Variants in PACS1 observed in about 807,000 individuals in gnomAD.
The protein encoded by PACS1 is phosphofurin acidic cluster sorting protein 1, also known as PACS-1.
In PACS1, 24 loss-of-function variants were observed where a neutral mutation model predicts 115.0. The ratio of observed to expected loss-of-function variants is 0.21; its 90% CI spans 0.15 to 0.29. The LOEUF is 0.29. PACS1 is among the 10% of genes least tolerant of loss of function. PACS1 has a pLI of 1.00. For missense variants in PACS1, 838 were observed against 1,251.2 expected (o/e 0.67, Z 4.98); for synonymous variants, 453 against 504.5 (o/e 0.90, Z 1.37).
chr11:66,205,875 C>T (rs891601469), intron 2 of PACS1, among the ~76,000 whole-genome samples: 5 of 152,044 alleles, frequency 3.3e-5, no homozygotes, highest in Non-Finnish European at 7.4e-5. Flanking sequence ...TGGCCGGTCA[C>T]GGTGGTTCAT....
chr11:66,113,583 G>A (rs2134549004), intron 1 of PACS1, among the ~76,000 whole-genome samples: 1 of 152,338 alleles, frequency 6.6e-6, no homozygotes, highest in Non-Finnish European at 1.5e-5. Flanking sequence ...AGACATAAGA[G>A]TATATTTTAA....
chr11:66,184,951 C>T (rs752684061), intron 1 of PACS1, among the ~76,000 whole-genome samples: 29 of 152,074 alleles, frequency 1.9e-4, no homozygotes, highest in African/African-American at 4.4e-4. Flanking sequence ...CAAGGGCTCA[C>T]GAGGGCTTGC....
In PACS1 at chr11:66,166,995, A is replaced by G. The variant is rs532982444; in HGVS notation, c.357-26491A>G. On this transcript the variant is annotated intron_variant, in intron 1 of 23. Coordinates refer to ENST00000320580, the MANE Select transcript of PACS1 (RefSeq NM_018026.4). ...GTTTAGCCTCAAAAGATGATGCCTA[A>G]TAGTTTCTGAAGTGATTGTACCAGT... Among the ~76,000 whole-genome samples, 49 of 150,434 alleles carry G rather than the reference A, an allele frequency of 3.3e-4. 3 individuals are homozygous for G. The highest frequency in any genetic ancestry group is 1.2e-3 in the African/African-American group (47 of 39,798).
chr11:66,088,019 G>A (rs964183788), intron 1 of PACS1, among the ~76,000 whole-genome samples: 1 of 151,950 alleles, frequency 6.6e-6, no homozygotes, highest in Admixed American at 6.6e-5. Context: ...TTTGTTGGCC[G>A]TGTGTGTATC....
At chr11:66,123,056 T>C (rs1171195701) in intron 1 of PACS1, among the ~76,000 whole-genome samples, 1 of 152,232 alleles carries the variant, frequency 6.6e-6, no homozygotes, top group East Asian at 1.9e-4. Context: ...CATTGTCTTA[T>C]TTTAAGAAAT....
intron 1 of PACS1, among the ~76,000 whole-genome samples, chr11:66,164,044 A>C (rs1461101838): frequency 1.3e-5 from 2 of 152,206 alleles, no homozygotes; most frequent in African/African-American, 2.4e-5. Context: ...AGGGGAGTCA[A>C]GTGAGGAGAG....
chr11:66,235,427 C>G lies in PACS1; in HGVS notation c.2207+24C>G. On this transcript the variant is annotated intron_variant, in intron 18 of 23. Coordinates refer to ENST00000320580, the MANE Select transcript of PACS1 (RefSeq NM_018026.4). This position sits in a 1 kb window ranked among gnomAD's most constrained non-coding sequence, Gnocchi z 5.6. ...TTGTAAGTTTGACTTTGAGGGGTTT[C>G]TTAAAAATAGGTTGGGTGGGTTAGA... 3 of 1,538,112 alleles carry G rather than the reference C, an allele frequency of 2.0e-6. No individual in the cohort carries two copies. The highest frequency in any genetic ancestry group is 2.7e-6 in the Non-Finnish European group (3 of 1,111,436).
intron 1 of PACS1, among the ~76,000 whole-genome samples, chr11:66,072,885 G>A (rs1215905375): frequency 6.6e-6 from 1 of 152,244 alleles, no homozygotes; most frequent in Non-Finnish European, 1.5e-5. Flanking sequence ...GGGCGTGAAT[G>A]AAATCATTGA....
intron 1 of PACS1, among the ~76,000 whole-genome samples, chr11:66,110,725 A>G (rs1858169259): frequency 6.6e-6 from 1 of 152,066 alleles, no homozygotes; most frequent in Non-Finnish European, 1.5e-5. Context: ...GTGCACCACC[A>G]TGCCCAGCTA....
chr11:66,152,225 CAAAAG>C (rs1859256141), intron 1 of PACS1, among the ~76,000 whole-genome samples: 1 of 150,866 alleles, frequency 6.6e-6, no homozygotes, highest in Non-Finnish European at 1.5e-5. Flanking sequence ...CAACATGTCT[CAAAAG>C]AAAAAAAAAG....
intron 10 of PACS1, among the ~76,000 whole-genome samples, chr11:66,222,921 T>C (rs896771878): frequency 6.6e-6 from 1 of 151,878 alleles, no homozygotes; most frequent in African/African-American, 2.4e-5. Context: ...AGTGAGGCAA[T>C]GCATGGGAAA....
intron 4 of PACS1, 65 bp downstream of exon 4, chr11:66,211,324 C>T: frequency 1.3e-6 from 2 of 1,559,350 alleles, no homozygotes; most frequent in South Asian, 2.3e-5. Context: ...ACACCCCAGC[C>T]CAGCCAGTTG....
In PACS1 at chr11:66,220,730, G is replaced by A. The variant is rs940755396; in HGVS notation, c.1138G>A (p.Asp380Asn). The A allele has an allele frequency of 1.9e-6, 3 of 1,614,126 alleles. No individual in the cohort carries two copies. Among genetic ancestry groups the A allele is most frequent in the African/African-American group, 1.3e-5 (1 of 75,022 alleles). ...CAGTCTGGAGATGTACAACCCCAGC[G>A]ACAGTGGCCCTGAGATGGAGGAGAC... ...YDSLEMYNPS[D>N]SGPEMEETES... Residue 380 changes from aspartate (D) to asparagine (N), a missense_variant, in exon 9 of 24, where the codon GAC (aspartate) becomes AAC (asparagine). Physicochemically the swap from Asp to Asn is conservative, Grantham distance 23. Around this residue, in one of 6 missense-constraint regions of PACS1, gnomAD observed 223 missense variants for 354.0 expected, o/e 0.63. Transcript: ENST00000320580.
At chr11:66,098,565 T>A (rs1857837997) in intron 1 of PACS1, among the ~76,000 whole-genome samples, 1 of 152,252 alleles carries the variant, frequency 6.6e-6, no homozygotes, top group Non-Finnish European at 1.5e-5. Context: ...AAATAACCAC[T>A]ACATACTCCT....
At chr11:66,182,432 A>T (rs1002555018) in intron 1 of PACS1, among the ~76,000 whole-genome samples, 1 of 150,858 alleles carries the variant, frequency 6.6e-6, no homozygotes, top group Non-Finnish European at 1.5e-5. Flanking sequence ...AAATTGCCCC[A>T]TTCAAACATT....
At chr11:66,239,028 G>A in intron 20 of PACS1, 114 bp from the exon 21 acceptor site, 1 of 1,522,388 alleles carries the variant, frequency 6.6e-7, no homozygotes, top group Non-Finnish European at 9.0e-7. Context: ...GAAGGAGCCT[G>A]GGGCCAAAGG....
At chr11:66,223,195 C>T (rs1248470588) in intron 10 of PACS1, among the ~76,000 whole-genome samples, 2 of 151,982 alleles carry the variant, frequency 1.3e-5, no homozygotes, top group Non-Finnish European at 2.9e-5. Context: ...CGGGTGCCAG[C>T]GATTCTCCTG....
At chr11:66,075,738 CTTTTT>C (rs756089252) in intron 1 of PACS1, among the ~76,000 whole-genome samples, 2 of 134,120 alleles carry the variant, frequency 1.5e-5, no homozygotes, top group Non-Finnish European at 3.2e-5. Context: ...ATTAAAAGTC[CTTTTT>C]TTTTTTTTTT....
rs956261816 is a variant in PACS1 at position 66,220,535 on chromosome 11, A to C, written c.1039-96A>C. 93 of 1,153,204 alleles carry C rather than the reference A, an allele frequency of 8.1e-5. 2 individuals are homozygous for C. In the East Asian group the frequency reaches 1.8e-3, roughly 22 times the overall value. The allele number at this position is 1,153,204 out of a possible 1,614,324, so 71.4% of individuals were successfully genotyped here. A position where few individuals can be genotyped will look rare whatever the true frequency, so the allele number is the denominator to read the frequency against. ...TGAAGCTCTGGCATGTCCCTTAAGC[A>C]GGACTATAAGGGCAGCCCAGGAGAA... On this transcript the variant is annotated intron_variant, in intron 8 of 23. Coordinates refer to ENST00000320580, the MANE Select transcript of PACS1 (RefSeq NM_018026.4).
Sources: allele counts gnomAD v4.1 joint callset (sites outside exome capture counted in the v4.1 genomes callset), GRCh38; gene constraint gnomAD v4.1.1; regional missense constraint gnomAD v4.1.1; non-coding constraint Gnocchi (gnomAD v3.1); transcripts MANE v1.5; gene names NCBI Gene and HGNC (gene_info 2026-07-23, HGNC 2026-07-21).